UBE3B: variants seen among roughly 807,000 people sequenced by gnomAD.
UBE3B encodes ubiquitin-protein ligase E3B.
UBE3B carries 80 observed loss-of-function variants against 132.3 expected under a neutral mutation model. That is an observed-to-expected ratio of 0.60 (90% CI 0.50 to 0.73). The LOEUF (loss-of-function observed/expected upper bound fraction) is 0.73. Ranked by LOEUF, UBE3B falls within the 30% of genes least tolerant of loss-of-function variation. The pLI, the probability that UBE3B is intolerant of heterozygous loss-of-function variation, is 0.00. For missense variants in UBE3B, 1,196 were observed against 1,362.5 expected, an observed-to-expected ratio of 0.88 and a Z score of 1.92; for synonymous variants, 487 against 520.4, an observed-to-expected ratio of 0.94 and a Z score of 0.87.
In UBE3B at chr12:109,483,707, T is replaced by G. The variant is rs1246626895; in HGVS notation, c.156T>G (p.Asp52Glu). Residue 52 changes from aspartate (D) to glutamate (E), a missense_variant, in exon 3 of 28, where the codon GAT becomes GAG. Physicochemically the swap from Asp to Glu is conservative, Grantham distance 45. Transcript: ENST00000342494. ...SFLCRSRLQR[D>E]IRREIDDFFK... ...TCTGTCGGAGTCGACTGCAGAGAGA[T>G]ATCAGGTAAGGGCTAGGATCTCCCT... is the stretch of plus-strand genomic sequence containing the variant. The G allele has an allele frequency of 6.2e-7, 1 of 1,602,004 alleles. No individual in the cohort carries two copies. The highest frequency in any genetic ancestry group is 1.7e-5 in the Admixed American group (1 of 57,782).
In UBE3B at chr12:109,510,461, G is replaced by C. The variant is rs1212985562; in HGVS notation, c.1856+3G>C. The C allele has an allele frequency of 5.6e-6, 9 of 1,607,154 alleles. No homozygotes were observed. Among genetic ancestry groups the C allele is most frequent in the Non-Finnish European group, 7.6e-6 (9 of 1,176,990 alleles). On this transcript the variant is annotated splice_donor_region_variant and intron_variant, in intron 17 of 27. Coordinates refer to ENST00000342494, the MANE Select transcript of UBE3B (RefSeq NM_130466.4). ...CCCGAGGACCACTGGCTGCGAAAGTGAGCTCCAGGGGTGAGGAGGGCTCCA... is the reference window on the plus strand; with the variant it reads ...CCCGAGGACCACTGGCTGCGAAAGTCAGCTCCAGGGGTGAGGAGGGCTCCA...
chr12:109,529,846 C>T (rs752760779), intron 24 of UBE3B, 44 bp from the exon 25 acceptor site: 61 of 1,609,076 alleles, frequency 3.8e-5, no homozygotes, highest in South Asian at 2.2e-4. Flanking sequence ...CAGCCTGCCC[C>T]GTCCTGTTAA....
intron 13 of UBE3B, among the ~76,000 whole-genome samples, chr12:109,502,149 G>A (rs975816707): frequency 1.3e-5 from 2 of 152,202 alleles, no homozygotes; most frequent in African/African-American, 4.8e-5. Context: ...GGCTACCTGT[G>A]AACTTCAGTT....
At chr12:109,524,661 G>C (rs1183920029) in intron 23 of UBE3B, among the ~76,000 whole-genome samples, 158 bp downstream of exon 23, 4 of 152,092 alleles carry the variant, frequency 2.6e-5, no homozygotes, top group Non-Finnish European at 4.4e-5. Flanking sequence ...CTCTTGCCAG[G>C]AGGGAGGGCC....
intron 14 of UBE3B, among the ~76,000 whole-genome samples, chr12:109,505,488 TGTGATCTCCACA>T (rs1879548324): frequency 6.6e-6 from 1 of 152,272 alleles, no homozygotes; most frequent in Admixed American, 6.5e-5. Flanking sequence ...GGAGTATATT[TGTGATCTCCACA>T]GTGTTAACTG....
the UBE3B span, among the ~76,000 whole-genome samples, chr12:109,546,160 A>G: frequency 6.6e-6 from 1 of 152,026 alleles, no homozygotes; most frequent in Non-Finnish European, 1.5e-5. Flanking sequence ...GGTCTCAAAC[A>G]TCTTAACAGT....
At chr12:109,532,250 C>T (rs1053239658) in intron 26 of UBE3B, among the ~76,000 whole-genome samples, 5 of 152,148 alleles carry the variant, frequency 3.3e-5, no homozygotes, top group Admixed American at 6.5e-5. Flanking sequence ...ACACAGCATC[C>T]GTAGAGTGAT....
intron 8 of UBE3B, chr12:109,490,486 C>T (rs1215823393): frequency 1.3e-6 from 2 of 1,535,902 alleles, no homozygotes; most frequent in Admixed American, 2.0e-5. Context: ...TTCCTTCTCC[C>T]TAGTGCTGTG....
intron 24 of UBE3B, among the ~76,000 whole-genome samples, chr12:109,527,224 A>AGGG (rs1451442072): frequency 6.6e-6 from 1 of 152,224 alleles, no homozygotes; most frequent in African/African-American, 2.4e-5. Flanking sequence ...TCACAGATAA[A>AGGG]GGGCTCTGCA....
In UBE3B at chr12:109,532,719, A is replaced by AG. The variant is rs920259130; in HGVS notation, c.2923-742dup. ...CGCTTGGAGAACGCCGGGAGTTCCCAGGGGGTAGCAGGGAAGTGTGGCTGG... is the reference window on the plus strand; with the variant it reads ...CGCTTGGAGAACGCCGGGAGTTCCCAGGGGGGTAGCAGGGAAGTGTGGCTGG... On this transcript the variant is annotated intron_variant, in intron 26 of 27. Coordinates refer to ENST00000342494, the MANE Select transcript of UBE3B (RefSeq NM_130466.4). Among the ~76,000 whole-genome samples, 3 of 152,226 alleles carry AG rather than the reference A, an allele frequency of 2.0e-5. No homozygotes were observed. The South Asian group carries it at 6.2e-4, about 32-fold the overall frequency.
At chr12:109,532,694 C>T (rs1026422409) in intron 26 of UBE3B, among the ~76,000 whole-genome samples, 7 of 152,218 alleles carry the variant, frequency 4.6e-5, no homozygotes, top group African/African-American at 1.7e-4. Context: ...CAGGGGCTGC[C>T]GCTTGGAGAA....
chr12:109,499,619 T>G lies in UBE3B; in HGVS notation c.941-14T>G, dbSNP rs1357100967. On this transcript the variant is annotated splice_polypyrimidine_tract_variant and intron_variant, in intron 11 of 27. Transcript: ENST00000342494. ...TTGTCTGGGCCCATCACACTCAGCC[T>G]TCTCTCTCTGTAGGCAACCTCCTAC... 1 of 1,576,762 alleles carries G rather than the reference T, an allele frequency of 6.3e-7. No homozygotes were observed. Among genetic ancestry groups the G allele is most frequent in the Non-Finnish European group, 8.6e-7 (1 of 1,159,798 alleles).
At chr12:109,509,837 T>G in intron 16 of UBE3B, 123 bp downstream of exon 16, 2 of 639,434 alleles carry the variant, frequency 3.1e-6, no homozygotes, top group Non-Finnish European at 5.4e-6. Flanking sequence ...TGCACATTTA[T>G]TCCCACAATT....
At position 109,522,721 on chromosome 12, in the gene UBE3B, C is replaced by G. The variant is rs1312199242; in HGVS notation, c.2364+1170C>G. On this transcript the variant is annotated intron_variant, in intron 21 of 27. Coordinates refer to ENST00000342494, the MANE Select transcript of UBE3B (RefSeq NM_130466.4). This position sits in a 1 kb window ranked among gnomAD's most constrained non-coding sequence, Gnocchi z 4.2. The stretch of plus-strand genomic sequence containing the variant: ...CAGTCTATGTGCACCGGCCTCAGTC[C>G]CTGGCCATGATGGAATCAGGTGGCC... Among the ~76,000 whole-genome samples the G allele has an allele frequency of 6.6e-6, 1 of 152,182 alleles. No homozygotes were observed. The highest frequency in any genetic ancestry group is 1.5e-5 in the Non-Finnish European group (1 of 68,030).
In UBE3B at chr12:109,507,743, G is replaced by A. The variant is rs1365999289; in HGVS notation, c.1622+8G>A. 1.9e-6 allele frequency: 3 copies of A among 1,608,898 alleles called. No individual in the cohort carries two copies. The highest frequency in any genetic ancestry group is 1.1e-5 in the South Asian group (1 of 90,452). ...TTCGCGGCACCTCATCACGTAGGTT[G>A]ACTGCTGTGGGACTGAATTCCTTTC... On this transcript the variant is annotated splice_region_variant and intron_variant, in intron 15 of 27. Coordinates refer to ENST00000342494, the MANE Select transcript of UBE3B (RefSeq NM_130466.4).
Position 109,534,519 on chromosome 12 carries a change from C to T in UBE3B, c.3016-72C>T. 6.5e-7 allele frequency: 1 copy of T among 1,534,096 alleles called. No individual in the cohort carries two copies. Among genetic ancestry groups the T allele is most frequent in the Non-Finnish European group, 8.8e-7 (1 of 1,140,954 alleles). ...CTGGCCAGATCCCCTCCCTGGGCTC[C>T]CTGGCCTTGGCATCAGCCTGGGCTC... On this transcript the variant is annotated intron_variant, in intron 27 of 27. Coordinates refer to ENST00000342494, the MANE Select transcript of UBE3B (RefSeq NM_130466.4). This position sits in a 1 kb window ranked among gnomAD's most constrained non-coding sequence, Gnocchi z 5.2.
At chr12:109,498,517 A>G (rs1878528083) in intron 11 of UBE3B, among the ~76,000 whole-genome samples, 164 bp downstream of exon 11, 1 of 152,250 alleles carries the variant, frequency 6.6e-6, no homozygotes, top group Non-Finnish European at 1.5e-5. Flanking sequence ...ACATGTAAAT[A>G]AAAATCACAT....
At chr12:109,540,201 TTTTG>T (rs1253978167), downstream of UBE3B, among the ~76,000 whole-genome samples, 1 of 151,788 alleles carries the variant, frequency 6.6e-6, no homozygotes, top group Non-Finnish European at 1.5e-5. Flanking sequence ...GATTTTTGGT[TTTTG>T]TTTGTTTGTT....
intron 18 of UBE3B, among the ~76,000 whole-genome samples, chr12:109,513,174 G>T (rs1652218146): frequency 6.6e-6 from 1 of 152,096 alleles, no homozygotes; most frequent in African/African-American, 2.4e-5. Flanking sequence ...GTGGTGTCTG[G>T]TTTAAAATGC....
Sources: allele counts gnomAD v4.1 joint callset (sites outside exome capture counted in the v4.1 genomes callset), GRCh38; gene constraint gnomAD v4.1.1; non-coding constraint Gnocchi (gnomAD v3.1); transcripts MANE v1.5; gene names NCBI Gene and HGNC (gene_info 2026-07-23, HGNC 2026-07-21).